KCTD16: variants seen among roughly 807,000 people sequenced by gnomAD.
KCTD16 encodes the protein potassium channel tetramerization domain containing 16, also known as BTB/POZ domain-containing protein KCTD16.
KCTD16 carries 13 observed loss-of-function variants against 33.2 expected under a neutral mutation model. The observed-to-expected ratio is 0.39, with a 90% CI of 0.25 to 0.62. KCTD16 has a LOEUF of 0.62. Among genes scored for constraint, KCTD16 ranks in the 20% least tolerant of loss-of-function variants. The pLI is 0.50. For synonymous variants in KCTD16, 197 were observed against 195.3 expected (o/e 1.01, Z -0.07); for missense variants, 441 against 525.1 (o/e 0.84, Z 1.57).
At chr5:144,236,035 A>G (rs1455771783) in intron 3 of KCTD16, among the ~76,000 whole-genome samples, 3 of 152,110 alleles carry the variant, frequency 2.0e-5, no homozygotes, top group Admixed American at 2.0e-4. Flanking sequence ...CTTGGCAATG[A>G]TTCTTTTATA....
chr5:144,234,700 T>C (rs917213390), intron 3 of KCTD16, among the ~76,000 whole-genome samples: 6 of 152,088 alleles, frequency 3.9e-5, no homozygotes, highest in Admixed American at 3.3e-4. Flanking sequence ...AAGCCTTAAA[T>C]AAAATGGCAT....
intron 3 of KCTD16, among the ~76,000 whole-genome samples, chr5:144,334,970 T>C (rs1421941983): frequency 1.3e-5 from 2 of 151,998 alleles, no homozygotes; most frequent in Non-Finnish European, 2.9e-5. Flanking sequence ...TGTAGAGATC[T>C]GGTCTCACTA....
intron 3 of KCTD16, among the ~76,000 whole-genome samples, chr5:144,333,262 A>G (rs2126892752): frequency 6.6e-6 from 1 of 152,318 alleles, no homozygotes; most frequent in African/African-American, 2.4e-5. Flanking sequence ...TTAGTAATCT[A>G]TTCTATAGCA....
At chr5:144,251,887 T>C (rs1754710467) in intron 3 of KCTD16, among the ~76,000 whole-genome samples, 1 of 152,206 alleles carries the variant, frequency 6.6e-6, no homozygotes, top group Admixed American at 6.5e-5. Flanking sequence ...AAAAATACTA[T>C]CATTAATTAA....
intron 3 of KCTD16, among the ~76,000 whole-genome samples, chr5:144,462,612 A>C (rs551570417): frequency 1.3e-5 from 2 of 152,096 alleles, no homozygotes; most frequent in African/African-American, 4.8e-5. Context: ...GACTTTTCCA[A>C]ATGTTAGCAA....
At chr5:144,462,354 C>T (rs961097145) in intron 3 of KCTD16, among the ~76,000 whole-genome samples, 6 of 152,022 alleles carry the variant, frequency 3.9e-5, no homozygotes, top group African/African-American at 1.2e-4. Context: ...TTAATATTTG[C>T]CAGCTAATCA....
At chr5:144,207,816 A>G (rs777092390) in intron 3 of KCTD16, among the ~76,000 whole-genome samples, 2 of 152,250 alleles carry the variant, frequency 1.3e-5, no homozygotes, top group African/African-American at 2.4e-5. Context: ...TGGAACAAGC[A>G]TGTATGTCTT....
intron 3 of KCTD16, among the ~76,000 whole-genome samples, chr5:144,343,218 T>C (rs566472188): frequency 0.013 from 1,923 of 152,302 alleles, 44 homozygotes; most frequent in African/African-American, 0.044. Flanking sequence ...TGGACTCTTT[T>C]TGGTTGGTAA....
chr5:144,346,491 T>G (rs1752804259), intron 3 of KCTD16, among the ~76,000 whole-genome samples: 1 of 152,170 alleles, frequency 6.6e-6, no homozygotes, highest in Admixed American at 6.5e-5. Context: ...ACACCGAAGA[T>G]TCCCTTTTCT....
At chr5:144,330,411 C>CAAAAAA (rs10577099) in intron 3 of KCTD16, among the ~76,000 whole-genome samples, 1 of 87,402 alleles carries the variant, frequency 1.1e-5, no homozygotes. Context: ...GAAACTCCAT[C>CAAAAAA]AAAAAAAAAA....
Position 144,180,410 on chromosome 5 carries a change from C to G in KCTD16, c.-327+5938C>G, listed in dbSNP as rs529618656. Among the ~76,000 whole-genome samples, 292 of 152,280 alleles carry G rather than the reference C, an allele frequency of 1.9e-3. 1 individual carries two copies. The highest frequency in any genetic ancestry group is 6.7e-3 in the African/African-American group (279 of 41,548). On this transcript the variant is annotated intron_variant, in intron 2 of 3. Transcript: ENST00000512467. ...TCTTCTGCCATATTTCTCAATGTAA[C>G]TATCCCTCATTCCAATTATCTGTTG... is the stretch of plus-strand genomic sequence containing the variant.
At chr5:144,299,116 A>ATG (rs1298868682) in intron 3 of KCTD16, among the ~76,000 whole-genome samples, 1 of 15,736 alleles carries the variant, frequency 6.4e-5, no homozygotes, top group African/African-American at 6.5e-4. Context: ...ATATATATAT[A>ATG]TATATATATA....
intron 3 of KCTD16, among the ~76,000 whole-genome samples, chr5:144,350,817 C>G (rs1751409934): frequency 6.6e-6 from 1 of 150,782 alleles, no homozygotes. Context: ...TTTCCACAGA[C>G]AGTGATTATT....
chr5:144,333,570 C>CTG (rs1752409179), intron 3 of KCTD16, among the ~76,000 whole-genome samples: 1 of 152,008 alleles, frequency 6.6e-6, no homozygotes, highest in Non-Finnish European at 1.5e-5. Context: ...TCCTGCAGCT[C>CTG]TGTGTGTGTG....
At chr5:144,219,202 CTTTTATTT>C (rs753212651) in intron 3 of KCTD16, among the ~76,000 whole-genome samples, 3 of 152,014 alleles carry the variant, frequency 2.0e-5, no homozygotes, top group African/African-American at 4.8e-5. Flanking sequence ...TCTCCCAGCT[CTTTTATTT>C]TTTTATTTTT....
At chr5:144,418,272 C>T (rs145918161) in intron 3 of KCTD16, among the ~76,000 whole-genome samples, 87 of 152,242 alleles carry the variant, frequency 5.7e-4, no homozygotes, top group Non-Finnish European at 9.6e-4. Context: ...GGAAGGAGAC[C>T]GAGTGGGTTG....
intron 3 of KCTD16, among the ~76,000 whole-genome samples, chr5:144,299,148 A>T (rs12519340): frequency 0.14 from 1,969 of 13,858 alleles, 134 homozygotes; most frequent in Middle Eastern, 0.25. Context: ...ATATATATAT[A>T]TTTTTTTTTT....
intron 3 of KCTD16, among the ~76,000 whole-genome samples, chr5:144,254,496 T>C (rs1044364432): frequency 1.3e-5 from 2 of 152,176 alleles, no homozygotes; most frequent in African/African-American, 2.4e-5. Context: ...TGTATTTTAT[T>C]GACTTACATG....
chr5:144,465,737 T>G (rs1228278762), intron 3 of KCTD16, among the ~76,000 whole-genome samples: 2 of 151,768 alleles, frequency 1.3e-5, no homozygotes, highest in Non-Finnish European at 2.9e-5. Context: ...CTCATAAAAT[T>G]CACAGGGTTC....
Sources: gnomAD v4.1 joint callset for allele counts (sites outside exome capture counted in the v4.1 genomes callset) on GRCh38, gnomAD v4.1.1 for gene constraint, MANE v1.5 for transcripts, NCBI Gene and HGNC (gene_info 2026-07-23, HGNC 2026-07-21) for gene names.